Variants in CDH13 observed in about 807,000 individuals in gnomAD.
CDH13 encodes the protein cadherin-13.
A neutral mutation model predicts 63.8 loss-of-function variants in CDH13; 24 were observed. The ratio of observed to expected loss-of-function variants is 0.38; its 90% CI spans 0.27 to 0.53. The LOEUF (loss-of-function observed/expected upper bound fraction) is 0.53, where lower values mean the gene tolerates loss of function less well. CDH13 is among the 20% of genes least tolerant of loss of function. The pLI is 0.85. For missense variants in CDH13, 1,049 were observed against 903.1 expected, an observed-to-expected ratio of 1.16 and a Z score of -2.07; for synonymous variants, 503 against 355.3, an observed-to-expected ratio of 1.42 and a Z score of -4.67.
At chr16:83,774,513 C>T (rs1043633952) in intron 11 of CDH13, among the ~76,000 whole-genome samples, 2 of 152,118 alleles carry the variant, frequency 1.3e-5, no homozygotes, top group African/African-American at 4.8e-5. Flanking sequence ...GCTGGGATTA[C>T]AGGCACGTGC....
intron 6 of CDH13, among the ~76,000 whole-genome samples, chr16:83,458,266 T>C (rs1046952114): frequency 3.3e-5 from 5 of 152,194 alleles, no homozygotes; most frequent in African/African-American, 1.2e-4. Flanking sequence ...TTTGTTGATC[T>C]GTTATTGTTT....
chr16:83,674,995 C>G (rs903460857), intron 9 of CDH13, among the ~76,000 whole-genome samples: 3 of 152,196 alleles, frequency 2.0e-5, no homozygotes, highest in African/African-American at 7.2e-5. Context: ...AAACCCAGGT[C>G]CTCCATCCTT....
intron 2 of CDH13, among the ~76,000 whole-genome samples, chr16:82,991,867 C>T (rs1911699297): frequency 1.3e-5 from 2 of 151,896 alleles, no homozygotes; most frequent in Admixed American, 1.3e-4. Context: ...TTTAACAAAA[C>T]CGCTTCACAT....
intron 2 of CDH13, among the ~76,000 whole-genome samples, chr16:82,937,566 C>T (rs1410728077): frequency 6.6e-6 from 1 of 152,182 alleles, no homozygotes; most frequent in Non-Finnish European, 1.5e-5. Context: ...AGCAGACACA[C>T]AAAATTTGTG....
intron 2 of CDH13, among the ~76,000 whole-genome samples, chr16:83,023,942 T>G (rs938867704): frequency 6.6e-6 from 1 of 152,242 alleles, no homozygotes; most frequent in African/African-American, 2.4e-5. Context: ...GAGCTGTCCT[T>G]TAGATATTGC....
At chr16:83,357,453 G>T (rs2091077680) in intron 6 of CDH13, among the ~76,000 whole-genome samples, 1 of 152,116 alleles carries the variant, frequency 6.6e-6, no homozygotes, top group South Asian at 2.1e-4. Context: ...CGTTTGATGT[G>T]GTTTAACTGG....
At chr16:83,596,145 T>G (rs921342772) in intron 7 of CDH13, among the ~76,000 whole-genome samples, 4 of 152,172 alleles carry the variant, frequency 2.6e-5, no homozygotes, top group African/African-American at 9.7e-5. Context: ...GGGTTGACCT[T>G]GATAATGGGG....
At chr16:83,386,589 G>T (rs1356930965) in intron 6 of CDH13, among the ~76,000 whole-genome samples, 1 of 152,160 alleles carries the variant, frequency 6.6e-6, no homozygotes, top group Non-Finnish European at 1.5e-5. Flanking sequence ...ACTCTAGGAG[G>T]CAGGTAAGCT....
intron 5 of CDH13, among the ~76,000 whole-genome samples, chr16:83,312,505 C>G (rs1233187091): frequency 6.6e-6 from 1 of 152,144 alleles, no homozygotes; most frequent in Non-Finnish European, 1.5e-5. Context: ...CCCTTTGTTT[C>G]TTGGTTCCTG....
chr16:83,261,075 C>T (rs1235859974), intron 5 of CDH13, among the ~76,000 whole-genome samples: 2 of 152,038 alleles, frequency 1.3e-5, no homozygotes, highest in Non-Finnish European at 2.9e-5. Context: ...TAAGAGGCCC[C>T]TTGGCTCACA....
intron 5 of CDH13, among the ~76,000 whole-genome samples, chr16:83,311,561 C>T (rs1483957888): frequency 6.6e-6 from 1 of 151,980 alleles, no homozygotes; most frequent in Non-Finnish European, 1.5e-5. Context: ...TTTGTGATTC[C>T]CATTTTACAG....
In CDH13 at chr16:82,677,664, C is replaced by A. The variant is rs918355092; in HGVS notation, c.45+50527C>A. On this transcript the variant is annotated intron_variant, in intron 1 of 13. Transcript: ENST00000567109. ...CAGGACTCTGACCCGGGTCTCCAGA[C>A]TCACAAAACACAATACACTATAAGG... is the stretch of plus-strand genomic sequence containing the variant. Among the ~76,000 whole-genome samples the A allele has an allele frequency of 3.3e-5, 5 of 152,128 alleles. No homozygotes were observed. The East Asian group carries it at 9.6e-4, about 29-fold the overall frequency.
intron 7 of CDH13, among the ~76,000 whole-genome samples, chr16:83,558,968 C>T (rs2075651836): frequency 6.6e-6 from 1 of 151,596 alleles, no homozygotes; most frequent in Non-Finnish European, 1.5e-5. Context: ...CCATGGAGGA[C>T]CACAGGCTCA....
chr16:82,723,704 C>A (rs1467378200), intron 1 of CDH13, among the ~76,000 whole-genome samples: 1 of 152,136 alleles, frequency 6.6e-6, no homozygotes. Flanking sequence ...AAAGATAAAT[C>A]TTTACAATGT....
chr16:83,307,942 T>C (rs2089916580), intron 5 of CDH13, among the ~76,000 whole-genome samples: 1 of 152,216 alleles, frequency 6.6e-6, no homozygotes, highest in Admixed American at 6.5e-5. Context: ...TCAAAATATG[T>C]ATTTTTTATG....
chr16:83,745,524 AG>A (rs1912496290), intron 10 of CDH13, among the ~76,000 whole-genome samples: 1 of 152,198 alleles, frequency 6.6e-6, no homozygotes, highest in African/African-American at 2.4e-5. Flanking sequence ...GATGGTGGCC[AG>A]GCGAGGGTGG....
chr16:82,807,408 G>A (rs1174390502), intron 1 of CDH13, among the ~76,000 whole-genome samples: 1 of 152,158 alleles, frequency 6.6e-6, no homozygotes, highest in Non-Finnish European at 1.5e-5. Context: ...GATAGGAAGA[G>A]GTCTGGTAGC....
chr16:83,657,217 T>C lies in CDH13; in HGVS notation c.1102-13573T>C, dbSNP rs537245013. Among the ~76,000 whole-genome samples the C allele has an allele frequency of 5.3e-5, 8 of 152,322 alleles. No homozygotes were observed. In the East Asian group the frequency reaches 7.7e-4, roughly 15 times the overall value. On this transcript the variant is annotated intron_variant, in intron 8 of 13. Coordinates refer to ENST00000567109, the MANE Select transcript of CDH13 (RefSeq NM_001257.5). ...ATATGAGTGATGTAAAGGGTATTAA[T>C]CCCTCAATACAGGATCATTTATCTG...
chr16:83,373,469 A>G (rs1366989212), intron 6 of CDH13, among the ~76,000 whole-genome samples: 1 of 152,136 alleles, frequency 6.6e-6, no homozygotes. Flanking sequence ...GAAGGAACCT[A>G]TGTACGAAGA....
Sources: gnomAD v4.1 joint callset for allele counts (sites outside exome capture counted in the v4.1 genomes callset) on GRCh38, gnomAD v4.1.1 for gene constraint, MANE v1.5 for transcripts, NCBI Gene and HGNC (gene_info 2026-07-23, HGNC 2026-07-21) for gene names.